The following TSHZ2 variants were observed in gnomAD, a reference collection of about 807,000 sequenced individuals.
The protein encoded by TSHZ2 is teashirt zinc finger homeobox 2.
In TSHZ2, 21 loss-of-function variants were observed where a neutral mutation model predicts 74.4. That is an observed-to-expected ratio of 0.28 (90% CI 0.20 to 0.41). The LOEUF (loss-of-function observed/expected upper bound fraction) is 0.41. TSHZ2 is among the 10% of genes least tolerant of loss of function. The pLI is 1.00. For missense variants in TSHZ2, 1,244 were observed against 1,293.5 expected (o/e 0.96, Z 0.59); for synonymous variants, 540 against 515.3 (o/e 1.05, Z -0.65).
intron 1 of TSHZ2, among the ~76,000 whole-genome samples, chr20:52,982,600 T>A (rs1981609502): frequency 6.6e-6 from 1 of 152,184 alleles, no homozygotes; most frequent in East Asian, 1.9e-4. Flanking sequence ...GCTGTAAAAA[T>A]AACAGTAGAC....
rs549970735 is a variant in TSHZ2 at position 53,285,290 on chromosome 20, C to T, written c.*8+28719C>T. On this transcript the variant is annotated intron_variant, in intron 2 of 2. Coordinates refer to ENST00000371497, the MANE Select transcript of TSHZ2 (RefSeq NM_173485.6). ...TACAGCAGTGTTTGGATAGGAGTCT[C>T]TTCTCCTGAGGATCCAGGAGAGGAT... Among the ~76,000 whole-genome samples the T allele has an allele frequency of 2.0e-4, 31 of 152,322 alleles. No individual in the cohort carries two copies. The South Asian group carries it at 6.2e-3, about 31-fold the overall frequency.
In TSHZ2 at chr20:53,409,025, C is replaced by T. The variant is rs555325886; in HGVS notation, c.*9-78119C>T. The stretch of plus-strand genomic sequence containing the variant: ...GGGCAATGATTGGGATAATTTAGGA[C>T]GTGCACTGTTTGATCATCTGTACAC... On this transcript the variant is annotated intron_variant, in intron 2 of 2. Coordinates refer to ENST00000371497, the MANE Select transcript of TSHZ2 (RefSeq NM_173485.6). 2.6e-4 allele frequency among the ~76,000 whole-genome samples: 39 copies of T among 152,274 alleles called. No individual in the cohort carries two copies. The Middle Eastern group carries it at 0.01, about 40-fold the overall frequency.
chr20:53,266,368 G>A (rs889190010), intron 2 of TSHZ2, among the ~76,000 whole-genome samples: 1 of 152,146 alleles, frequency 6.6e-6, no homozygotes, highest in African/African-American at 2.4e-5. Context: ...CCCAGAAATT[G>A]TTTTCTCATT....
intron 1 of TSHZ2, among the ~76,000 whole-genome samples, chr20:53,049,705 G>A (rs573001513): frequency 3.9e-5 from 6 of 152,144 alleles, no homozygotes; most frequent in Admixed American, 3.3e-4. Context: ...AGGGAGGTGG[G>A]GTGGGGAAGG....
At chr20:53,040,049 T>A (rs1049300789) in intron 1 of TSHZ2, among the ~76,000 whole-genome samples, 1 of 151,996 alleles carries the variant, frequency 6.6e-6, no homozygotes, top group Admixed American at 6.6e-5. Flanking sequence ...GAGGCTGCAG[T>A]GAGCCAAGAT....
intron 2 of TSHZ2, among the ~76,000 whole-genome samples, chr20:53,383,262 C>CAA (rs11475983): frequency 3.0e-5 from 4 of 133,914 alleles, no homozygotes; most frequent in African/African-American, 1.2e-4. Context: ...AACTCTGTCT[C>CAA]AAAAAAAAAA....
intron 1 of TSHZ2, 22 bp from the exon 2 acceptor site, chr20:53,253,477 A>G: frequency 3.2e-6 from 5 of 1,572,532 alleles, no homozygotes; most frequent in Non-Finnish European, 4.3e-6. Flanking sequence ...CTGTCGTTTC[A>G]TCTCTTCTTC....
intron 2 of TSHZ2, among the ~76,000 whole-genome samples, chr20:53,401,487 C>T (rs1982656164): frequency 6.6e-6 from 1 of 151,892 alleles, no homozygotes; most frequent in Non-Finnish European, 1.5e-5. Flanking sequence ...TTTTGGTGTA[C>T]CCATCACCTG....
chr20:53,306,603 A>C (rs1325893315), intron 2 of TSHZ2, among the ~76,000 whole-genome samples: 1 of 152,188 alleles, frequency 6.6e-6, no homozygotes, highest in African/African-American at 2.4e-5. Flanking sequence ...AAAATAGTTA[A>C]ATATTTAAAT....
intron 1 of TSHZ2, among the ~76,000 whole-genome samples, chr20:53,032,880 A>G (rs1983688818): frequency 6.6e-6 from 1 of 152,200 alleles, no homozygotes; most frequent in Non-Finnish European, 1.5e-5. Context: ...ATACTGGGCC[A>G]GTCACTTCAC....
At chr20:53,127,842 G>T (rs571373897) in intron 1 of TSHZ2, among the ~76,000 whole-genome samples, 1 of 152,364 alleles carries the variant, frequency 6.6e-6, no homozygotes, top group South Asian at 2.1e-4. Flanking sequence ...GCAGAGGCAT[G>T]ATTTGAACCC....
intron 2 of TSHZ2, among the ~76,000 whole-genome samples, chr20:53,442,060 C>T (rs570603450): frequency 2.0e-5 from 3 of 152,170 alleles, no homozygotes; most frequent in South Asian, 2.1e-4. Context: ...AGAATGCCTG[C>T]GTAGGTGGGG....
chr20:53,080,676 T>C (rs930857455), intron 1 of TSHZ2, among the ~76,000 whole-genome samples: 3 of 152,200 alleles, frequency 2.0e-5, no homozygotes, highest in African/African-American at 7.2e-5. Flanking sequence ...ATGCCCCTGC[T>C]GACAGAAGGC....
chr20:53,016,335 A>T (rs1983038813), intron 1 of TSHZ2, among the ~76,000 whole-genome samples: 1 of 152,220 alleles, frequency 6.6e-6, no homozygotes, highest in Non-Finnish European at 1.5e-5. Flanking sequence ...TAAAGCCTCC[A>T]CTAAACAGTT....
intron 1 of TSHZ2, among the ~76,000 whole-genome samples, chr20:52,979,651 T>C: frequency 6.6e-6 from 1 of 152,172 alleles, no homozygotes; most frequent in East Asian, 1.9e-4. Flanking sequence ...AAATGGCCAT[T>C]TGGAATTTTC....
chr20:53,101,260 GT>G (rs1210811277), intron 1 of TSHZ2, among the ~76,000 whole-genome samples: 1 of 152,058 alleles, frequency 6.6e-6, no homozygotes, highest in Non-Finnish European at 1.5e-5. Context: ...CAACTTTTAG[GT>G]TAATAATACA....
chr20:53,389,985 G>A (rs1982191106), intron 2 of TSHZ2, among the ~76,000 whole-genome samples: 1 of 152,196 alleles, frequency 6.6e-6, no homozygotes, highest in African/African-American at 2.4e-5. Context: ...TTTAAACTTT[G>A]TGTGTTGGAA....
chr20:53,478,440 C>T (rs1310375146), intron 2 of TSHZ2, among the ~76,000 whole-genome samples: 1 of 146,486 alleles, frequency 6.8e-6, no homozygotes, highest in East Asian at 2.0e-4. Flanking sequence ...CATATTCTCA[C>T]TCATAGGTGG....
At chr20:53,371,420 C>T (rs1050312593) in intron 2 of TSHZ2, among the ~76,000 whole-genome samples, 1 of 152,204 alleles carries the variant, frequency 6.6e-6, no homozygotes, top group African/African-American at 2.4e-5. Flanking sequence ...GTCCTGGCTG[C>T]AAGACCCAGG....
Sources: allele counts gnomAD v4.1 joint callset (sites outside exome capture counted in the v4.1 genomes callset), GRCh38; gene constraint gnomAD v4.1.1; transcripts MANE v1.5; gene names NCBI Gene and HGNC (gene_info 2026-07-23, HGNC 2026-07-21).